The following PIGS variants were observed in gnomAD, a reference collection of about 807,000 sequenced individuals.
PIGS encodes phosphatidylinositol glycan anchor biosynthesis class S, also known as GPI-anchor transamidase component PIGS.
PIGS carries 37 observed loss-of-function variants against 58.2 expected under a neutral mutation model. The ratio of observed to expected loss-of-function variants is 0.64; its 90% CI spans 0.49 to 0.84. The LOEUF (loss-of-function observed/expected upper bound fraction) is 0.84, where lower values mean the gene tolerates loss of function less well. PIGS is among the 40% of genes least tolerant of loss of function. The pLI, the probability that PIGS is intolerant of heterozygous loss-of-function variation, is 0.00. For missense variants in PIGS, 629 were observed against 710.8 expected, an observed-to-expected ratio of 0.88 and a Z score of 1.31; for synonymous variants, 269 against 289.2, an observed-to-expected ratio of 0.93 and a Z score of 0.71.
intron 10 of PIGS, 110 bp downstream of exon 10, chr17:28,556,056 G>A: frequency 1.0e-6 from 1 of 989,478 alleles, no homozygotes; most frequent in East Asian, 2.4e-5. Context: ...TTTCCCTGGG[G>A]CTCTAGGCAC....
At position 28,554,578 on chromosome 17, in the gene PIGS, A is replaced by G. The variant is rs2070314029; in HGVS notation, c.1393-83T>C. 3 of 1,478,712 alleles carry G rather than the reference A, an allele frequency of 2.0e-6. No individual in the cohort carries two copies. The African/African-American group carries it at 4.2e-5, about 21-fold the overall frequency. The allele number at this position is 1,478,712 out of a possible 1,614,324, so 91.6% of individuals were successfully genotyped here. A position where few individuals can be genotyped will look rare whatever the true frequency, so the allele number is the denominator to read the frequency against. Reference sequence around the variant, plus strand: ...GGTGCTGGGCCTTACTGTGCCTTCCATCTACCAAGGAAGATGCCTGGAGTT... The same window carrying G: ...GGTGCTGGGCCTTACTGTGCCTTCCGTCTACCAAGGAAGATGCCTGGAGTT... On this transcript the variant is annotated intron_variant, in intron 11 of 11. Transcript: ENST00000308360.
chr17:28,570,716 A>G (rs1487668495), intron 3 of PIGS, 136 bp downstream of exon 3: 3 of 805,516 alleles, frequency 3.7e-6, no homozygotes, highest in Non-Finnish European at 6.0e-6. Context: ...TTTTCTGACC[A>G]AACACACTGT....
chr17:28,557,351 A>G (rs555430590), intron 8 of PIGS: 1 of 220,390 alleles, frequency 4.5e-6, no homozygotes, highest in African/African-American at 2.4e-5. Context: ...AGCCACCCAT[A>G]TCAGGTTAAA....
rs543780543 is a variant in PIGS at position 28,558,504 on chromosome 17, A to C, written c.906T>G (p.His302Gln). 1 of 1,613,006 alleles carries C rather than the reference A, an allele frequency of 6.2e-7. No individual in the cohort carries two copies. The highest frequency in any genetic ancestry group is 2.2e-5 in the East Asian group (1 of 44,854). The change falls in exon 8 of 12, where the codon CAT becomes CAG. Residue 302 changes from histidine (H) to glutamine (Q), a missense_variant. Physicochemically the swap from His to Gln is conservative, Grantham distance 24. Coordinates refer to ENST00000308360, the MANE Select transcript of PIGS (RefSeq NM_033198.4). ...SYYLDMHSLP[H>Q]VINPVESRLG... ...GCCGGGACTCCACTGGGTTGATGAC[A>C]TGGGGGAGGCTGTGCATGTCCAAAT...
intron 2 of PIGS, 43 bp from the exon 3 acceptor site, chr17:28,571,006 G>A (rs1310411732): frequency 3.7e-6 from 6 of 1,614,150 alleles, no homozygotes; most frequent in Non-Finnish European, 5.1e-6. Context: ...TCTCCACCTT[G>A]CCGGGGGGGC....
intron 10 of PIGS, 109 bp downstream of exon 10, chr17:28,556,057 C>T (rs1404393428): frequency 2.0e-6 from 2 of 1,007,234 alleles, no homozygotes; most frequent in African/African-American, 3.2e-5. Flanking sequence ...TTCCCTGGGG[C>T]TCTAGGCACA....
At chr17:28,561,230 C>A (rs951993561) in intron 6 of PIGS, among the ~76,000 whole-genome samples, 192 bp downstream of exon 6, 1 of 151,182 alleles carries the variant, frequency 6.6e-6, no homozygotes, top group Non-Finnish European at 1.5e-5. Context: ...TGCACTCAGC[C>A]CAGGCAACAG....
chr17:28,555,148 C>G, intron 10 of PIGS, 87 bp from the exon 11 acceptor site: 1 of 1,288,144 alleles, frequency 7.8e-7, no homozygotes, highest in African/African-American at 1.5e-5. Flanking sequence ...CTGTCCTGAG[C>G]CAGTGATTTT....
At chr17:28,559,632 C>G (rs938381731) in intron 7 of PIGS, among the ~76,000 whole-genome samples, 1 of 138,780 alleles carries the variant, frequency 7.2e-6, no homozygotes, top group African/African-American at 2.7e-5. Context: ...ACCTGGGAGG[C>G]GGAGGTTGCA....
At chr17:28,561,871 A>G in intron 5 of PIGS, 1 of 413,650 alleles carries the variant, frequency 2.4e-6, no homozygotes, top group Non-Finnish European at 4.3e-6. Flanking sequence ...CTAACTCTTC[A>G]GGGGCTGGTA....
intron 7 of PIGS, 150 bp downstream of exon 7, chr17:28,559,898 AC>A: frequency 1.0e-6 from 1 of 977,766 alleles, no homozygotes; most frequent in South Asian, 2.0e-5. Context: ...GCACACACGC[AC>A]CCCCAGTACC....
rs1299002852 is a variant in PIGS, at chr17:28,554,225, C to G, written c.1663G>C (p.Asp555His). 3.7e-6 allele frequency: 6 copies of G among 1,613,942 alleles called. No homozygotes were observed. Among genetic ancestry groups the G allele is most frequent in the Non-Finnish European group, 3.4e-6 (4 of 1,180,026 alleles). ...RKSWRKPEKT[D>H] Reference sequence around the variant, plus strand: ...CTATGGAGGTGCTGCCCTGCTCAGTCTGTCTTCTCAGGCTTTCTCCAGGAC... The same window carrying G: ...CTATGGAGGTGCTGCCCTGCTCAGTGTGTCTTCTCAGGCTTTCTCCAGGAC... The change falls in exon 12 of 12, where the codon GAC becomes CAC. Residue 555 changes from aspartate (D) to histidine (H), a missense_variant. Physicochemically the swap from Asp to His is moderately conservative, Grantham distance 81. Coordinates refer to ENST00000308360, the MANE Select transcript of PIGS (RefSeq NM_033198.4).
chr17:28,556,145 G>T, intron 10 of PIGS, 21 bp downstream of exon 10: 1 of 1,587,880 alleles, frequency 6.3e-7, no homozygotes, highest in Non-Finnish European at 8.6e-7. Context: ...ATGTCCCCAA[G>T]TGGATCATCC....
At chr17:28,566,570 C>T (rs965224765) in intron 3 of PIGS, among the ~76,000 whole-genome samples, 3 of 150,228 alleles carry the variant, frequency 2.0e-5, no homozygotes, top group Non-Finnish European at 3.0e-5. Context: ...GGATTACAGG[C>T]GTGAGCCACC....
At position 28,564,398 on chromosome 17, in the gene PIGS, A is replaced by G. The variant is rs375631673; in HGVS notation, c.287-491T>C. ...GCCTGGACAACATGATGAAACCCCA[A>G]CTCTACAAAAAATACAAAAATTAGC... is the stretch of plus-strand genomic sequence containing the variant. On this transcript the variant is annotated intron_variant, in intron 3 of 11. Coordinates refer to ENST00000308360, the MANE Select transcript of PIGS (RefSeq NM_033198.4). Among the ~76,000 whole-genome samples, 85 of 152,018 alleles carry G rather than the reference A, an allele frequency of 5.6e-4. 1 individual carries two copies. The South Asian group carries it at 6.0e-3, about 11-fold the overall frequency.
Position 28,553,755 on chromosome 17 carries a change from A to G in PIGS, c.*465T>C. On this transcript the variant is annotated 3_prime_UTR_variant, in exon 12 of 12. Transcript: ENST00000308360. ...GACAAAGCCAACTAGGAGGGAGGGG[A>G]GTGAGGGAGAAGGTCCCACAGGTGA... 1 of 175,980 alleles carries G rather than the reference A, an allele frequency of 5.7e-6. No homozygotes were observed. The highest frequency in any genetic ancestry group is 1.2e-5 in the Non-Finnish European group (1 of 82,636). The allele number at this position is 175,980 out of a possible 1,614,324, so 10.9% of individuals were successfully genotyped here. A position where few individuals can be genotyped will look rare whatever the true frequency, so the allele number is the denominator to read the frequency against.
intron 1 of PIGS, 87 bp downstream of exon 1, chr17:28,571,376 G>C (rs2070428619): frequency 6.4e-7 from 1 of 1,560,748 alleles, no homozygotes; most frequent in East Asian, 2.4e-5. Flanking sequence ...CCGTCCGCGG[G>C]ACCTCTCGCA....
intron 9 of PIGS, 168 bp downstream of exon 9, chr17:28,556,659 G>A: frequency 8.1e-6 from 7 of 868,048 alleles, no homozygotes; most frequent in Admixed American, 2.8e-5. Context: ...AAGTGGGGCC[G>A]GCAGAAGAGG....
chr17:28,567,779 T>C (rs906080173), intron 3 of PIGS, among the ~76,000 whole-genome samples: 2 of 152,228 alleles, frequency 1.3e-5, no homozygotes, highest in South Asian at 4.1e-4. Context: ...TCTGGTTTTA[T>C]TTCATTTCCT....
Sources: gnomAD v4.1 joint callset for allele counts (sites outside exome capture counted in the v4.1 genomes callset) on GRCh38, gnomAD v4.1.1 for gene constraint, MANE v1.5 for transcripts, NCBI Gene and HGNC (gene_info 2026-07-23, HGNC 2026-07-21) for gene names.